Variants in FHIT observed in about 807,000 individuals in gnomAD.
The protein encoded by FHIT is bis(5'-adenosyl)-triphosphatase.
A neutral mutation model predicts 17.9 loss-of-function variants in FHIT; 19 were observed. That is an observed-to-expected ratio of 1.06 (90% CI 0.74 to 1.56). The LOEUF is 1.56. Ranked by LOEUF, FHIT falls within the 40% of genes most tolerant of loss-of-function variation. FHIT has a pLI of 0.00. For synonymous variants in FHIT, 81 were observed against 69.7 expected (o/e 1.16, Z -0.81); for missense variants, 248 against 189.2 (o/e 1.31, Z -1.82).
rs74460186 is a variant in FHIT, at chr3:61,160,434, A to C, written c.-164+40183T>G. On this transcript the variant is annotated intron_variant, in intron 2 of 9. Coordinates refer to ENST00000492590, the MANE Select transcript of FHIT (RefSeq NM_002012.4). ...TCACTTAGATTACTCTGTAAGCGAC[A>C]AGGAAATTAGAAAGCTCGTTTTTTA... 1.4e-4 allele frequency among the ~76,000 whole-genome samples: 21 copies of C among 152,338 alleles called. No homozygotes were observed. In the East Asian group the frequency reaches 4.1e-3, roughly 29 times the overall value.
chr3:60,835,189 A>G (rs1553743578), intron 3 of FHIT, among the ~76,000 whole-genome samples: 1 of 152,100 alleles, frequency 6.6e-6, no homozygotes, highest in Non-Finnish European at 1.5e-5. Flanking sequence ...TTCTTTTTCA[A>G]AATTGTTTTA....
intron 2 of FHIT, among the ~76,000 whole-genome samples, chr3:61,175,453 T>A (rs1037538993): frequency 2.6e-5 from 4 of 152,260 alleles, no homozygotes; most frequent in Non-Finnish European, 4.4e-5. Context: ...ACATGACATA[T>A]ACTATCAACT....
chr3:60,532,647 CA>C (rs2035828817), intron 5 of FHIT, among the ~76,000 whole-genome samples: 1 of 152,138 alleles, frequency 6.6e-6, no homozygotes, highest in African/African-American at 2.4e-5. Context: ...CCACAGAAGC[CA>C]AAGCCTGTTC....
chr3:60,010,780 C>A (rs1419495719), intron 7 of FHIT, among the ~76,000 whole-genome samples: 1 of 152,116 alleles, frequency 6.6e-6, no homozygotes, highest in Non-Finnish European at 1.5e-5. Context: ...CTTCTCCTAG[C>A]ACACTTAAAA....
chr3:60,462,292 C>T (rs1168671424), intron 5 of FHIT, among the ~76,000 whole-genome samples: 2 of 152,166 alleles, frequency 1.3e-5, no homozygotes, highest in Non-Finnish European at 2.9e-5. Context: ...AGTGATCACT[C>T]CCCTTTTACA....
chr3:60,173,915 A>ATATATATATT, intron 5 of FHIT, among the ~76,000 whole-genome samples: 2 of 66,432 alleles, frequency 3.0e-5, no homozygotes, highest in Non-Finnish European at 5.5e-5. Context: ...ATATATATAT[A>ATATATATATT]TGTTTTTTTT....
intron 4 of FHIT, among the ~76,000 whole-genome samples, chr3:60,581,783 C>G (rs1256174825): frequency 6.6e-6 from 1 of 152,034 alleles, no homozygotes; most frequent in Non-Finnish European, 1.5e-5. Flanking sequence ...TGGTCCCAAA[C>G]AGAATCCATC....
At chr3:60,750,578 C>T (rs576015213) in intron 4 of FHIT, among the ~76,000 whole-genome samples, 1 of 152,262 alleles carries the variant, frequency 6.6e-6, no homozygotes, top group South Asian at 2.1e-4. Flanking sequence ...TGCTGCCCTC[C>T]ATGTAAGATG....
At chr3:60,679,963 G>A (rs969709880) in intron 4 of FHIT, among the ~76,000 whole-genome samples, 4 of 151,538 alleles carry the variant, frequency 2.6e-5, no homozygotes, top group Non-Finnish European at 4.4e-5. Context: ...TTTGCTTTTC[G>A]AAAATCGTCT....
At chr3:60,794,496 C>A (rs1014539969) in intron 4 of FHIT, among the ~76,000 whole-genome samples, 1 of 152,188 alleles carries the variant, frequency 6.6e-6, no homozygotes, top group East Asian at 1.9e-4. Context: ...TTATACTTGA[C>A]AGCATTTTAG....
chr3:60,539,508 G>T (rs2036108225), intron 4 of FHIT, among the ~76,000 whole-genome samples: 1 of 152,170 alleles, frequency 6.6e-6, no homozygotes, highest in African/African-American at 2.4e-5. Flanking sequence ...GTTTATTGCG[G>T]CACTATTCAC....
At chr3:60,334,695 G>C (rs1177127185) in intron 5 of FHIT, among the ~76,000 whole-genome samples, 2 of 152,332 alleles carry the variant, frequency 1.3e-5, no homozygotes, top group Non-Finnish European at 2.9e-5. Flanking sequence ...GCTGAGAAAG[G>C]AAAATTGCTT....
chr3:60,386,281 T>C (rs1329629138), intron 5 of FHIT, among the ~76,000 whole-genome samples: 1 of 152,114 alleles, frequency 6.6e-6, no homozygotes, highest in Non-Finnish European at 1.5e-5. Flanking sequence ...CCAGAGATCC[T>C]ATGAGCCGCA....
At position 60,471,359 on chromosome 3, in the gene FHIT, T is replaced by A. The variant is rs117556987; in HGVS notation, c.103+65501A>T. Among the ~76,000 whole-genome samples the A allele has an allele frequency of 9.3e-3, 1,423 of 152,294 alleles. 14 individuals are homozygous for A. The highest frequency in any genetic ancestry group is 0.033 in the East Asian group (172 of 5,172). On this transcript the variant is annotated intron_variant, in intron 5 of 9. Transcript: ENST00000492590. ...TTCAGAGCACTTTAGCCTGTGGTGG[T>A]GGAGCTTGCCGGAACTCAGGTTCTG...
intron 3 of FHIT, among the ~76,000 whole-genome samples, chr3:60,924,963 T>C (rs1386984695): frequency 3.3e-5 from 5 of 152,026 alleles, no homozygotes; most frequent in African/African-American, 7.2e-5. Flanking sequence ...GTATCAGTGA[T>C]GGAAGATCAA....
intron 5 of FHIT, among the ~76,000 whole-genome samples, chr3:60,412,860 T>C (rs1291885778): frequency 6.6e-6 from 1 of 152,146 alleles, no homozygotes. Flanking sequence ...ATAAGTAAGT[T>C]ATCAGGAGAT....
At position 61,150,690 on chromosome 3, in the gene FHIT, T is replaced by C. The variant is rs547736012; in HGVS notation, c.-164+49927A>G. Among the ~76,000 whole-genome samples the C allele has an allele frequency of 2.0e-5, 3 of 152,330 alleles. No individual in the cohort carries two copies. In the South Asian group the frequency reaches 6.2e-4, roughly 32 times the overall value. On this transcript the variant is annotated intron_variant, in intron 2 of 9. Transcript: ENST00000492590. Reference sequence around the variant, plus strand: ...TCACTGAATTTTTCAGAAATGCAACTAGCATTTAAACTGAAGGAATAATGT... The same window carrying C: ...TCACTGAATTTTTCAGAAATGCAACCAGCATTTAAACTGAAGGAATAATGT...
intron 4 of FHIT, among the ~76,000 whole-genome samples, chr3:60,642,887 C>G (rs2107793868): frequency 6.6e-6 from 1 of 152,274 alleles, no homozygotes; most frequent in Middle Eastern, 3.4e-3. Context: ...GCTCAATTGT[C>G]ACTTTCCAGA....
chr3:61,047,914 C>A (rs1435256000), intron 2 of FHIT, among the ~76,000 whole-genome samples: 6 of 143,984 alleles, frequency 4.2e-5, no homozygotes, highest in Non-Finnish European at 9.2e-5. Context: ...GGAAAACTGG[C>A]TAGCCATATG....
Sources: gnomAD v4.1 joint callset for allele counts (sites outside exome capture counted in the v4.1 genomes callset) on GRCh38, gnomAD v4.1.1 for gene constraint, MANE v1.5 for transcripts, NCBI Gene and HGNC (gene_info 2026-07-23, HGNC 2026-07-21) for gene names.